The following LRFN5 variants were observed in gnomAD, a reference collection of about 807,000 sequenced individuals.
LRFN5 encodes leucine-rich repeat and fibronectin type-III domain-containing protein 5.
In LRFN5, 24 loss-of-function variants were observed where a neutral mutation model predicts 45.6. The observed-to-expected ratio is 0.53, with a 90% CI of 0.38 to 0.74. LRFN5 has a LOEUF of 0.74. Among genes scored for constraint, LRFN5 ranks in the 30% least tolerant of loss-of-function variants. The pLI, the probability that LRFN5 is intolerant of heterozygous loss-of-function variation, is 0.00. For missense variants in LRFN5, 776 were observed against 861.5 expected (o/e 0.90, Z 1.24); for synonymous variants, 340 against 313.8 (o/e 1.08, Z -0.88).
At chr14:41,739,355 A>G (rs56028523) in intron 1 of LRFN5, among the ~76,000 whole-genome samples, 4,358 of 152,140 alleles carry the variant, frequency 0.029, 200 homozygotes, top group African/African-American at 0.098. Flanking sequence ...ACTGCACTCC[A>G]GCCTGAGTGG....
intron 2 of LRFN5, among the ~76,000 whole-genome samples, chr14:41,793,495 T>C (rs546040563): frequency 6.6e-6 from 1 of 152,240 alleles, no homozygotes; most frequent in South Asian, 2.1e-4. Flanking sequence ...CACCTCATGG[T>C]GTAATCTTTG....
rs141169246 is a variant in LRFN5, at chr14:41,790,078, C to T, written c.-21+23049C>T. ...TGAATACATCTGAGCCTGGAATTTT[C>T]GTTGTGGAAGATGTGGTATTATAAA... On this transcript the variant is annotated intron_variant, in intron 2 of 5. Transcript: ENST00000298119. Among the ~76,000 whole-genome samples the T allele has an allele frequency of 3.3e-5, 5 of 151,914 alleles. No individual in the cohort carries two copies. The East Asian group carries it at 7.8e-4, about 24-fold the overall frequency.
chr14:41,642,313 G>C (rs1378121926), intron 1 of LRFN5, among the ~76,000 whole-genome samples: 1 of 152,084 alleles, frequency 6.6e-6, no homozygotes, highest in African/African-American at 2.4e-5. Context: ...GGTTGTTTGT[G>C]TTATAACCTG....
chr14:41,610,661 T>TAAAA (rs199770856), intron 1 of LRFN5, among the ~76,000 whole-genome samples: 416 of 37,330 alleles, frequency 0.011, 39 homozygotes, highest in Non-Finnish European at 0.016. Flanking sequence ...CCAGGGAAGG[T>TAAAA]AAAAAAAAAA....
intron 1 of LRFN5, among the ~76,000 whole-genome samples, chr14:41,657,125 A>G (rs1262410262): frequency 6.6e-6 from 1 of 151,928 alleles, no homozygotes; most frequent in Non-Finnish European, 1.5e-5. Flanking sequence ...CCAGCCTCTC[A>G]TCTATATCTT....
intron 1 of LRFN5, among the ~76,000 whole-genome samples, chr14:41,733,836 A>C (rs865813809): frequency 2.0e-5 from 3 of 151,346 alleles, no homozygotes; most frequent in Admixed American, 1.3e-4. Context: ...TTATTGATTT[A>C]TGAACAATGG....
chr14:41,732,415 G>C (rs541977235), intron 1 of LRFN5, among the ~76,000 whole-genome samples: 1 of 151,994 alleles, frequency 6.6e-6, no homozygotes, highest in Admixed American at 6.6e-5. Context: ...GTCTCATTTT[G>C]GGAGCCAGAC....
intron 2 of LRFN5, among the ~76,000 whole-genome samples, chr14:41,819,228 C>T (rs2139008873): frequency 6.6e-6 from 1 of 152,186 alleles, no homozygotes; most frequent in African/African-American, 2.4e-5. Flanking sequence ...TATTGATTTT[C>T]CCTTGGGTAG....
intron 1 of LRFN5, among the ~76,000 whole-genome samples, chr14:41,676,855 G>A (rs1428903294): frequency 6.6e-6 from 1 of 152,146 alleles, no homozygotes. Flanking sequence ...CTGTGGATGT[G>A]GAAGACTGTG....
intron 2 of LRFN5, among the ~76,000 whole-genome samples, chr14:41,785,076 C>G (rs1351124350): frequency 1.3e-5 from 2 of 152,038 alleles, no homozygotes; most frequent in African/African-American, 4.8e-5. Flanking sequence ...AATAGCCACT[C>G]TAGCTTTTTT....
In LRFN5 at chr14:41,869,284, A is replaced by G. The variant is rs79823459; in HGVS notation, c.-20-17322A>G. On this transcript the variant is annotated intron_variant, in intron 2 of 5. Coordinates refer to ENST00000298119, the MANE Select transcript of LRFN5 (RefSeq NM_152447.5). ...GTCTCCTGAGCACCTGTACAACACC[A>G]CAGGTCTGTTAGGAAGTCCCTATTT... Among the ~76,000 whole-genome samples, 715 of 152,238 alleles carry G rather than the reference A, an allele frequency of 4.7e-3. 1 individual carries two copies. The highest frequency in any genetic ancestry group is 0.016 in the African/African-American group (669 of 41,554).
At chr14:41,757,221 G>A (rs1885437136) in intron 1 of LRFN5, among the ~76,000 whole-genome samples, 1 of 152,208 alleles carries the variant, frequency 6.6e-6, no homozygotes. Context: ...CACTTGAGGA[G>A]GCAGTCTGTT....
At chr14:41,889,250 G>A (rs959662680) in intron 3 of LRFN5, among the ~76,000 whole-genome samples, 1 of 151,148 alleles carries the variant, frequency 6.6e-6, no homozygotes, top group Admixed American at 6.6e-5. Flanking sequence ...TTAAAGCATG[G>A]ACTAATAGGC....
At chr14:41,720,692 G>A (rs888753757) in intron 1 of LRFN5, among the ~76,000 whole-genome samples, 2 of 151,912 alleles carry the variant, frequency 1.3e-5, no homozygotes, top group African/African-American at 2.4e-5. Flanking sequence ...TGTGTGGTTT[G>A]GGGAAACTAT....
intron 2 of LRFN5, among the ~76,000 whole-genome samples, chr14:41,812,330 A>C (rs1465603036): frequency 6.6e-6 from 1 of 151,928 alleles, no homozygotes; most frequent in Non-Finnish European, 1.5e-5. Context: ...AATTTCTATG[A>C]GTTTTTTTTA....
At chr14:41,717,097 C>A (rs1327498133) in intron 1 of LRFN5, among the ~76,000 whole-genome samples, 1 of 152,138 alleles carries the variant, frequency 6.6e-6, no homozygotes, top group Non-Finnish European at 1.5e-5. Context: ...TTTAAAATTT[C>A]TTTTAACGAA....
intron 1 of LRFN5, among the ~76,000 whole-genome samples, chr14:41,753,817 G>C (rs1447742393): frequency 6.6e-6 from 1 of 152,104 alleles, no homozygotes; most frequent in Non-Finnish European, 1.5e-5. Flanking sequence ...AATAGGAGTG[G>C]TGAGAGAGGG....
intron 2 of LRFN5, among the ~76,000 whole-genome samples, chr14:41,879,021 T>G (rs1890281652): frequency 6.6e-6 from 1 of 152,066 alleles, no homozygotes; most frequent in Non-Finnish European, 1.5e-5. Context: ...AATCACAATT[T>G]ATATGATTTT....
intron 1 of LRFN5, among the ~76,000 whole-genome samples, chr14:41,622,460 A>C (rs1175864497): frequency 6.6e-6 from 1 of 152,090 alleles, no homozygotes; most frequent in Non-Finnish European, 1.5e-5. Flanking sequence ...AGAGTAAAGG[A>C]CCATATACAT....
Sources: allele counts gnomAD v4.1 joint callset (sites outside exome capture counted in the v4.1 genomes callset), GRCh38; gene constraint gnomAD v4.1.1; transcripts MANE v1.5; gene names NCBI Gene and HGNC (gene_info 2026-07-23, HGNC 2026-07-21).